NLGN1: variants seen among roughly 807,000 people sequenced by gnomAD.
NLGN1 encodes the protein neuroligin 1.
NLGN1 carries 12 observed loss-of-function variants against 65.5 expected under a neutral mutation model. The observed-to-expected ratio is 0.18, with a 90% CI of 0.12 to 0.30. The LOEUF is 0.30. NLGN1 is among the 10% of genes least tolerant of loss of function. NLGN1 has a pLI of 1.00. For missense variants in NLGN1, 750 were observed against 1,007.1 expected (o/e 0.74, Z 3.46); for synonymous variants, 350 against 359.5 (o/e 0.97, Z 0.30).
intron 4 of NLGN1, among the ~76,000 whole-genome samples, chr3:174,263,595 A>T (rs373016832): frequency 6.6e-6 from 1 of 151,980 alleles, no homozygotes; most frequent in African/African-American, 2.4e-5. Context: ...GTGAGATGGG[A>T]TTCCTGAATA....
chr3:174,270,032 T>A (rs1225965655), intron 4 of NLGN1, among the ~76,000 whole-genome samples: 1 of 150,512 alleles, frequency 6.6e-6, no homozygotes, highest in Non-Finnish European at 1.5e-5. Flanking sequence ...GGGTTTTTTG[T>A]TGTTGTTGTT....
At position 174,202,417 on chromosome 3, in the gene NLGN1, T is replaced by G. The variant is rs140878321; in HGVS notation, c.647-72898T>G. On this transcript the variant is annotated intron_variant, in intron 4 of 6. Transcript: ENST00000457714. ...CATGTACCAGGGGGTGAAAATAGCA[T>G]GTCTACTTTATTCCTGAGCGTCAGG... is the stretch of plus-strand genomic sequence containing the variant. Among the ~76,000 whole-genome samples the G allele has an allele frequency of 2.1e-4, 32 of 151,970 alleles. No homozygotes were observed. The East Asian group carries it at 6.2e-3, about 29-fold the overall frequency.
chr3:173,745,089 G>A (rs141904607), intron 3 of NLGN1, among the ~76,000 whole-genome samples: 133 of 152,172 alleles, frequency 8.7e-4, no homozygotes, highest in East Asian at 7.8e-3. Context: ...GGAGCAGACC[G>A]TGGCAAACAA....
At chr3:173,760,789 C>CA (rs570228189) in intron 3 of NLGN1, among the ~76,000 whole-genome samples, 48 of 151,996 alleles carry the variant, frequency 3.2e-4, no homozygotes, top group Non-Finnish European at 5.2e-4. Flanking sequence ...TGCCCTCAGT[C>CA]ACAGGTTTTG....
At chr3:174,085,040 ATATAT>A (rs1742977431) in intron 4 of NLGN1, among the ~76,000 whole-genome samples, 1 of 152,022 alleles carries the variant, frequency 6.6e-6, no homozygotes, top group Admixed American at 6.6e-5. Context: ...CATATTTAAA[ATATAT>A]TTTGGTTGTG....
intron 2 of NLGN1, among the ~76,000 whole-genome samples, chr3:173,565,773 C>T (rs1436992223): frequency 6.6e-6 from 1 of 152,074 alleles, no homozygotes; most frequent in Non-Finnish European, 1.5e-5. Flanking sequence ...TATTCTGAGA[C>T]CTGACAATTT....
intron 4 of NLGN1, among the ~76,000 whole-genome samples, chr3:173,836,506 T>C (rs749207974): frequency 4.7e-4 from 72 of 152,192 alleles, no homozygotes; most frequent in Non-Finnish European, 7.8e-4. Context: ...GAGAAAAATG[T>C]ATAAAATCCT....
At chr3:173,942,142 ATGTGTG>A (rs1275579907) in intron 4 of NLGN1, among the ~76,000 whole-genome samples, 3 of 123,068 alleles carry the variant, frequency 2.4e-5, no homozygotes, top group Non-Finnish European at 3.5e-5. Context: ...GTGTGTGTGT[ATGTGTG>A]TGTGTGTGTA....
At chr3:174,240,001 C>G (rs1201615533) in intron 4 of NLGN1, among the ~76,000 whole-genome samples, 1 of 152,038 alleles carries the variant, frequency 6.6e-6, no homozygotes, top group Admixed American at 6.5e-5. Context: ...GAAATTGACA[C>G]TCTTTATAGA....
chr3:173,552,117 G>A (rs576169575), intron 2 of NLGN1, among the ~76,000 whole-genome samples: 56 of 152,250 alleles, frequency 3.7e-4, no homozygotes, highest in South Asian at 1.5e-3. Flanking sequence ...TATCACACAT[G>A]AGAAAATTTC....
chr3:174,159,516 A>G (rs907524886), intron 4 of NLGN1, among the ~76,000 whole-genome samples: 2 of 151,812 alleles, frequency 1.3e-5, no homozygotes, highest in African/African-American at 4.8e-5. Context: ...AAAGAAAATC[A>G]GGATCTAGTA....
chr3:173,942,671 C>G, intron 4 of NLGN1, among the ~76,000 whole-genome samples: 1 of 137,038 alleles, frequency 7.3e-6, no homozygotes, highest in South Asian at 2.2e-4. Flanking sequence ...GTATGTGAAA[C>G]TTTCTGATGC....
At chr3:174,038,603 T>C (rs1180119754) in intron 4 of NLGN1, among the ~76,000 whole-genome samples, 1 of 152,184 alleles carries the variant, frequency 6.6e-6, no homozygotes, top group African/African-American at 2.4e-5. Flanking sequence ...AGAATGTTCC[T>C]CCATGTGCTA....
At chr3:174,118,409 C>T (rs1409141137) in intron 4 of NLGN1, among the ~76,000 whole-genome samples, 1 of 152,046 alleles carries the variant, frequency 6.6e-6, no homozygotes, top group Admixed American at 6.6e-5. Context: ...ATTTCCAAAG[C>T]CTGTTTGTTG....
chr3:174,119,537 C>A (rs1351316088), intron 4 of NLGN1, among the ~76,000 whole-genome samples: 1 of 152,138 alleles, frequency 6.6e-6, no homozygotes. Flanking sequence ...TTCATGTGCC[C>A]AATCATTCTA....
exon 3 of NLGN1, chr3:173,605,072 A>T (rs368721449): frequency 2.5e-6 from 4 of 1,610,646 alleles, no homozygotes; most frequent in Middle Eastern, 1.7e-4. Flanking sequence ...ATTTAAATAT[A>T]TATGTCCCGA....
chr3:174,171,679 A>T (rs1728558227), intron 4 of NLGN1, among the ~76,000 whole-genome samples: 1 of 152,212 alleles, frequency 6.6e-6, no homozygotes, highest in African/African-American at 2.4e-5. Flanking sequence ...ACTACAAATC[A>T]TATGATAGTT....
intron 3 of NLGN1, chr3:173,800,313 A>T (rs984524289): frequency 5.8e-6 from 7 of 1,216,052 alleles, no homozygotes; most frequent in African/African-American, 3.2e-5. Flanking sequence ...AAAGAAACAG[A>T]CAGATGATTT....
At chr3:173,874,513 G>A (rs1256626557) in intron 4 of NLGN1, among the ~76,000 whole-genome samples, 18 of 152,122 alleles carry the variant, frequency 1.2e-4, no homozygotes, top group Admixed American at 1.2e-3. Context: ...AATATTTGGG[G>A]CTATAATTAT....
Sources: gnomAD v4.1 joint callset for allele counts (sites outside exome capture counted in the v4.1 genomes callset) on GRCh38, gnomAD v4.1.1 for gene constraint, MANE v1.5 for transcripts, NCBI Gene and HGNC (gene_info 2026-07-23, HGNC 2026-07-21) for gene names.